ARHGEF7: variants seen among roughly 807,000 people sequenced by gnomAD.
ARHGEF7 encodes the protein Rho guanine nucleotide exchange factor 7, also known as PAK-interacting exchange factor beta.
In ARHGEF7, 33 loss-of-function variants were observed where a neutral mutation model predicts 109.8. The observed-to-expected ratio is 0.30, with a 90% CI of 0.23 to 0.40. The LOEUF (loss-of-function observed/expected upper bound fraction) is 0.40, where lower values mean the gene tolerates loss of function less well. Ranked by LOEUF, ARHGEF7 falls within the 10% of genes least tolerant of loss-of-function variation. ARHGEF7 has a pLI of 1.00. For synonymous variants in ARHGEF7, 458 were observed against 424.6 expected (o/e 1.08, Z -0.97); for missense variants, 938 against 1,098.5 (o/e 0.85, Z 2.07).
chr13:111,157,973 C>T (rs914627276), intron 2 of ARHGEF7, among the ~76,000 whole-genome samples: 1 of 152,176 alleles, frequency 6.6e-6, no homozygotes, highest in Non-Finnish European at 1.5e-5. Flanking sequence ...AAAGCCATCA[C>T]GCCTGTAACA....
chr13:111,159,663 T>A (rs982371348), intron 2 of ARHGEF7, among the ~76,000 whole-genome samples: 5 of 152,246 alleles, frequency 3.3e-5, no homozygotes, highest in South Asian at 2.1e-4. Flanking sequence ...TGTTGGCCAT[T>A]TGTATGTCTT....
intron 19 of ARHGEF7, among the ~76,000 whole-genome samples, chr13:111,299,244 G>A (rs939345044): frequency 6.6e-6 from 1 of 151,932 alleles, no homozygotes; most frequent in Non-Finnish European, 1.5e-5. Context: ...TGTCAGGAAC[G>A]TCTTATGAGA....
chr13:111,152,883 G>C lies in ARHGEF7; in HGVS notation c.166-1022G>C, dbSNP rs1320011976. Among the ~76,000 whole-genome samples, 3 of 152,042 alleles carry C rather than the reference G, an allele frequency of 2.0e-5. No individual in the cohort carries two copies. The East Asian group carries it at 5.8e-4, about 29-fold the overall frequency. ...TTTCTGGTTTCCTTAGTTTCTTGCC[G>C]TGGGTAAGGTCCAAACACCTTACAT... On this transcript the variant is annotated intron_variant, in intron 1 of 21. Coordinates refer to ENST00000646102, the MANE Select transcript of ARHGEF7 (RefSeq NM_001354046.2).
At chr13:111,221,643 TTA>T (rs10533031) in intron 5 of ARHGEF7, among the ~76,000 whole-genome samples, 57,614 of 128,516 alleles carry the variant, frequency 0.45, 13,995 homozygotes, top group South Asian at 0.56. Context: ...TATCTCCCCT[TTA>T]TATATATATA....
At chr13:111,211,425 C>G (rs558689755) in intron 4 of ARHGEF7, among the ~76,000 whole-genome samples, 29 of 152,040 alleles carry the variant, frequency 1.9e-4, no homozygotes, top group African/African-American at 5.3e-4. Context: ...GAGTAGAGGA[C>G]TAGATTACAA....
At chr13:111,204,479 T>G (rs1030011954) in intron 2 of ARHGEF7, among the ~76,000 whole-genome samples, 1 of 152,206 alleles carries the variant, frequency 6.6e-6, no homozygotes, top group African/African-American at 2.4e-5. Flanking sequence ...TATGTAGTCT[T>G]TGGGCAGTAT....
At chr13:111,158,761 T>C (rs1310645663) in intron 2 of ARHGEF7, among the ~76,000 whole-genome samples, 1 of 152,242 alleles carries the variant, frequency 6.6e-6, no homozygotes, top group Admixed American at 6.5e-5. Flanking sequence ...TAGTTGCATG[T>C]ATTTATGGAG....
intron 21 of ARHGEF7, among the ~76,000 whole-genome samples, chr13:111,302,485 G>C (rs1368449820): frequency 6.6e-6 from 1 of 152,200 alleles, no homozygotes; most frequent in Non-Finnish European, 1.5e-5. Flanking sequence ...TTGCCTGGCT[G>C]GCAGGCTTCC....
rs2074719124 is a variant in ARHGEF7, at chr13:111,131,058, G to T, written c.165+15367G>T. The stretch of plus-strand genomic sequence containing the variant: ...GTTTTGATACTTTTCAAATTTTTAA[G>T]GGAAGAATGATATGATCAGTTCTGT... On this transcript the variant is annotated intron_variant, in intron 1 of 21. Coordinates refer to ENST00000646102, the MANE Select transcript of ARHGEF7 (RefSeq NM_001354046.2). The surrounding 1 kb of genome is among the most constrained non-coding windows in gnomAD (Gnocchi z 4.4). Among the ~76,000 whole-genome samples, 2 of 152,238 alleles carry T rather than the reference G, an allele frequency of 1.3e-5. No individual in the cohort carries two copies. The highest frequency in any genetic ancestry group is 6.5e-5 in the Admixed American group (1 of 15,282).
At chr13:111,118,100 G>A (rs190144908) in intron 1 of ARHGEF7, among the ~76,000 whole-genome samples, 1 of 152,378 alleles carries the variant, frequency 6.6e-6, no homozygotes, top group Admixed American at 6.5e-5. Flanking sequence ...TGCAGCCTTC[G>A]CCTCTGCAGG....
chr13:111,191,918 A>G (rs35311823), intron 2 of ARHGEF7, among the ~76,000 whole-genome samples: 85,246 of 152,060 alleles, frequency 0.56, 25,620 homozygotes, highest in Non-Finnish European at 0.68. Context: ...TAGCCCTATC[A>G]CAAAGAGTAT....
At chr13:111,217,216 A>G (rs1369824680) in intron 4 of ARHGEF7, among the ~76,000 whole-genome samples, 1 of 152,266 alleles carries the variant, frequency 6.6e-6, no homozygotes, top group African/African-American at 2.4e-5. Flanking sequence ...TGTCTACACA[A>G]GGAAAGTACT....
At chr13:111,248,769 C>G (rs1277181735) in intron 8 of ARHGEF7, among the ~76,000 whole-genome samples, 1 of 152,160 alleles carries the variant, frequency 6.6e-6, no homozygotes, top group Non-Finnish European at 1.5e-5. Flanking sequence ...TCTTTATATC[C>G]TTTAGCAATA....
intron 2 of ARHGEF7, among the ~76,000 whole-genome samples, chr13:111,195,691 T>G (rs2080416741): frequency 6.6e-6 from 1 of 152,178 alleles, no homozygotes; most frequent in African/African-American, 2.4e-5. Context: ...GCAGTGCGCC[T>G]TCCAGTGATT....
At position 111,205,379 on chromosome 13, in the gene ARHGEF7, ACT is replaced by A; in HGVS notation, c.337+9_337+10del. ...TCTAAATAAAGTAACAGCAGGTAAG[ACT>A]CTTTTTTATTGAACTCGAGGGGGTG... is the stretch of plus-strand genomic sequence containing the variant. On this transcript the variant is annotated splice_region_variant and intron_variant, in intron 3 of 21. Coordinates refer to ENST00000646102, the MANE Select transcript of ARHGEF7 (RefSeq NM_001354046.2). The A allele has an allele frequency of 5.1e-6, 8 of 1,578,106 alleles. No individual in the cohort carries two copies. The highest frequency in any genetic ancestry group is 1.4e-5 in the African/African-American group (1 of 72,408).
At chr13:111,184,233 C>T (rs1476261657) in intron 2 of ARHGEF7, among the ~76,000 whole-genome samples, 2 of 152,142 alleles carry the variant, frequency 1.3e-5, no homozygotes, top group Non-Finnish European at 2.9e-5. Context: ...TTGTAAGTTC[C>T]CTGAGGCCTC....
chr13:111,294,670 C>T (rs1336410803), intron 19 of ARHGEF7: 8 of 985,306 alleles, frequency 8.1e-6, no homozygotes, highest in Non-Finnish European at 9.6e-6. Flanking sequence ...TCTCCTGTGG[C>T]AGTGGCGATG....
At chr13:111,217,393 A>T (rs2083271993) in intron 4 of ARHGEF7, among the ~76,000 whole-genome samples, 1 of 152,216 alleles carries the variant, frequency 6.6e-6, no homozygotes, top group African/African-American at 2.4e-5. Flanking sequence ...TGACTTGTGG[A>T]GAAGTGCGTG....
At chr13:111,245,605 T>G (rs965580208) in intron 8 of ARHGEF7, among the ~76,000 whole-genome samples, 1 of 152,186 alleles carries the variant, frequency 6.6e-6, no homozygotes, top group Admixed American at 6.5e-5. Flanking sequence ...GTTGTCAACT[T>G]CTGATGGCCG....
Sources: gnomAD v4.1 joint callset for allele counts (sites outside exome capture counted in the v4.1 genomes callset) on GRCh38, gnomAD v4.1.1 for gene constraint, Gnocchi (gnomAD v3.1) non-coding constraint, MANE v1.5 for transcripts, NCBI Gene and HGNC (gene_info 2026-07-23, HGNC 2026-07-21) for gene names.